KLHL32: variants seen among roughly 807,000 people sequenced by gnomAD.
The protein encoded by KLHL32 is kelch-like protein 32.
In KLHL32, 35 loss-of-function variants were observed where a neutral mutation model predicts 64.8. The ratio of observed to expected loss-of-function variants is 0.54; its 90% CI spans 0.41 to 0.72. The LOEUF is 0.72. Ranked by LOEUF, KLHL32 falls within the 30% of genes least tolerant of loss-of-function variation. The pLI, the probability that KLHL32 is intolerant of heterozygous loss-of-function variation, is 0.00. For synonymous variants in KLHL32, 259 were observed against 281.0 expected, an observed-to-expected ratio of 0.92 and a Z score of 0.78; for missense variants, 589 against 768.5, an observed-to-expected ratio of 0.77 and a Z score of 2.76.
intron 3 of KLHL32, among the ~76,000 whole-genome samples, chr6:97,018,557 C>T (rs919123570): frequency 6.7e-6 from 1 of 150,246 alleles, no homozygotes; most frequent in African/African-American, 2.5e-5. Flanking sequence ...GCCGAGATCA[C>T]ACCACTGTGC....
chr6:96,942,654 G>GTGT (rs1771436618), intron 1 of KLHL32, among the ~76,000 whole-genome samples: 2 of 144,232 alleles, frequency 1.4e-5, no homozygotes, highest in African/African-American at 5.2e-5. Flanking sequence ...ACAGCTGTGG[G>GTGT]GTGTGTGTGT....
the KLHL32 span, among the ~76,000 whole-genome samples, chr6:96,909,925 A>G: frequency 6.6e-6 from 1 of 152,214 alleles, no homozygotes; most frequent in African/African-American, 2.4e-5. Context: ...GAAGATTTAA[A>G]GAACTTTGTA....
intron 10 of KLHL32, among the ~76,000 whole-genome samples, chr6:97,135,293 T>C (rs1799866386): frequency 6.9e-6 from 1 of 145,920 alleles, no homozygotes; most frequent in African/African-American, 2.6e-5. Context: ...ACAGACAAAT[T>C]TGTTAATTTT....
intron 1 of KLHL32, among the ~76,000 whole-genome samples, chr6:96,940,779 C>A (rs73492866): frequency 1.2e-4 from 19 of 152,316 alleles, no homozygotes; most frequent in African/African-American, 4.6e-4. Context: ...ATTCATTTAG[C>A]AGACGTTATT....
At chr6:96,962,274 ATCCTATG>A (rs1773963488) in intron 1 of KLHL32, among the ~76,000 whole-genome samples, 1 of 152,236 alleles carries the variant, frequency 6.6e-6, no homozygotes, top group South Asian at 2.1e-4. Context: ...GACCCCATCA[ATCCTATG>A]TACCAGATTA....
intron 7 of KLHL32, among the ~76,000 whole-genome samples, chr6:97,123,529 A>G (rs1360371927): frequency 6.6e-6 from 1 of 152,210 alleles, no homozygotes; most frequent in Non-Finnish European, 1.5e-5. Context: ...GTTCAAAAGT[A>G]TAAGACAGGG....
At chr6:96,913,599 C>CA in the KLHL32 span, among the ~76,000 whole-genome samples, 7 of 152,152 alleles carry the variant, frequency 4.6e-5, no homozygotes, top group Non-Finnish European at 1.0e-4. Flanking sequence ...ACACTGCAGT[C>CA]TAGATGGGTC....
intron 4 of KLHL32, among the ~76,000 whole-genome samples, chr6:97,056,316 A>G (rs1787923014): frequency 1.3e-5 from 2 of 152,130 alleles, no homozygotes; most frequent in African/African-American, 2.4e-5. Context: ...CATGTTAGCC[A>G]GGATGGTCTT....
At chr6:96,966,793 GC>G (rs1331121334) in intron 1 of KLHL32, among the ~76,000 whole-genome samples, 1 of 152,106 alleles carries the variant, frequency 6.6e-6, no homozygotes, top group Admixed American at 6.5e-5. Context: ...AGTCCTTGAA[GC>G]TTCAATAATG....
chr6:97,056,558 C>G (rs1375286646), intron 4 of KLHL32, among the ~76,000 whole-genome samples: 1 of 152,160 alleles, frequency 6.6e-6, no homozygotes, highest in East Asian at 1.9e-4. Flanking sequence ...CTTCAGAACC[C>G]TCCTGTTTAA....
At chr6:96,975,425 T>G in intron 2 of KLHL32, among the ~76,000 whole-genome samples, 1 of 152,222 alleles carries the variant, frequency 6.6e-6, no homozygotes, top group Non-Finnish European at 1.5e-5. Context: ...AATAATAAGC[T>G]TCTCTGGTTT....
intron 7 of KLHL32, among the ~76,000 whole-genome samples, chr6:97,116,874 C>A (rs1797852830): frequency 6.6e-6 from 1 of 152,152 alleles, no homozygotes; most frequent in Non-Finnish European, 1.5e-5. Context: ...AATACATTTT[C>A]TTTGTTCTTC....
intron 3 of KLHL32, chr6:97,025,203 T>C (rs186321258): frequency 1.2e-6 from 1 of 844,458 alleles, no homozygotes; most frequent in East Asian, 1.2e-4. Flanking sequence ...TTTATCGTCT[T>C]TGTAAAAATC....
intron 6 of KLHL32, among the ~76,000 whole-genome samples, chr6:97,100,542 A>G (rs1795567881): frequency 6.6e-6 from 1 of 152,158 alleles, no homozygotes; most frequent in South Asian, 2.1e-4. Context: ...AAAGATGTTT[A>G]AAGTTACCTT....
chr6:97,116,548 T>C (rs757424991), intron 7 of KLHL32, among the ~76,000 whole-genome samples: 4 of 152,234 alleles, frequency 2.6e-5, no homozygotes, highest in Non-Finnish European at 4.4e-5. Flanking sequence ...CACTGCATTT[T>C]CTAAGTTTTG....
At chr6:96,933,676 A>T (rs537446038) in intron 1 of KLHL32, among the ~76,000 whole-genome samples, 1 of 152,310 alleles carries the variant, frequency 6.6e-6, no homozygotes, top group African/African-American at 2.4e-5. Context: ...AGCACCCACC[A>T]GTATCTCAGC....
chr6:96,994,680 G>A, intron 3 of KLHL32: 9 of 934,016 alleles, frequency 9.6e-6, no homozygotes, highest in Non-Finnish European at 1.0e-5. Context: ...AAAGTACTAT[G>A]AGTTCCTGTG....
intron 3 of KLHL32, among the ~76,000 whole-genome samples, chr6:96,987,706 T>C (rs184449180): frequency 6.6e-6 from 1 of 152,276 alleles, no homozygotes; most frequent in East Asian, 1.9e-4. Flanking sequence ...CAAACTATAC[T>C]GCAAGGCTAC....
intron 1 of KLHL32, among the ~76,000 whole-genome samples, chr6:96,929,048 T>C (rs949211549): frequency 3.9e-5 from 6 of 152,154 alleles, no homozygotes; most frequent in Non-Finnish European, 7.4e-5. Flanking sequence ...AGTAGAGATA[T>C]GAAAGAAATG....
Sources: allele counts gnomAD v4.1 joint callset (sites outside exome capture counted in the v4.1 genomes callset), GRCh38; gene constraint gnomAD v4.1.1; transcripts MANE v1.5; gene names NCBI Gene and HGNC (gene_info 2026-07-23, HGNC 2026-07-21).